Variants in WBP2 observed in about 807,000 individuals in gnomAD.
WBP2 encodes WW domain-binding protein 2.
Under a neutral mutation model 33.0 loss-of-function variants are expected in WBP2, and 23 were observed. That is an observed-to-expected ratio of 0.70 (90% confidence interval 0.50 to 0.99). The LOEUF (loss-of-function observed/expected upper bound fraction) is 0.99, where lower values mean the gene tolerates loss of function less well. Among genes scored for constraint, WBP2 ranks in the 50% least tolerant of loss-of-function variants. WBP2 has a pLI of 0.00. For synonymous variants in WBP2, 153 were observed against 133.5 expected (o/e 1.15, Z -1.01); for missense variants, 353 against 358.0 (o/e 0.99, Z 0.11).
At chr17:75,847,370 A>G (rs1748193735) in intron 6 of WBP2, 117 bp downstream of exon 6, 1 of 1,485,340 alleles carries the variant, frequency 6.7e-7, no homozygotes, top group African/African-American at 1.4e-5. Flanking sequence ...GGGGTAGTCC[A>G]GGGGTCATCC....
At chr17:75,854,503 C>G (rs1006405943) in intron 1 of WBP2, among the ~76,000 whole-genome samples, 8 of 152,132 alleles carry the variant, frequency 5.3e-5, no homozygotes, top group Non-Finnish European at 7.4e-5. Context: ...GAGAGCTCTG[C>G]CTTCCGAGGT....
At chr17:75,849,787 G>A (rs534218880) in intron 2 of WBP2, 48 bp from the exon 3 acceptor site, 16 of 1,602,794 alleles carry the variant, frequency 1.0e-5, no homozygotes, top group East Asian at 4.5e-5. Context: ...CACAGCCCAC[G>A]CTGCCATGCT....
intron 1 of WBP2, 82 bp from the exon 2 acceptor site, chr17:75,851,758 C>A (rs2065029154): frequency 1.9e-6 from 2 of 1,032,632 alleles, no homozygotes; most frequent in East Asian, 2.5e-5. Flanking sequence ...TTCTCCCAAG[C>A]AGCTGCCCGG....
intron 6 of WBP2, 160 bp downstream of exon 6, chr17:75,847,327 C>A: frequency 8.2e-7 from 1 of 1,215,708 alleles, no homozygotes; most frequent in South Asian, 1.3e-5. Context: ...AATCTAGCTC[C>A]GCTCCACCAG....
intron 3 of WBP2, chr17:75,849,337 C>G: frequency 2.6e-6 from 1 of 387,546 alleles, no homozygotes; most frequent in East Asian, 4.2e-5. Context: ...TGTATGCGCT[C>G]GCCAAGTTGC....
intron 1 of WBP2, 31 bp downstream of exon 1, chr17:75,855,208 G>A: frequency 6.4e-7 from 1 of 1,568,680 alleles, no homozygotes; most frequent in South Asian, 1.1e-5. Context: ...CCGAACTTTG[G>A]TCCTCCAGGA....
chr17:75,853,074 C>T (rs1387276262), intron 1 of WBP2, among the ~76,000 whole-genome samples: 9 of 152,114 alleles, frequency 5.9e-5, no homozygotes, highest in African/African-American at 2.2e-4. Context: ...GACGGAGTTT[C>T]ACTCTTGTTG....
At chr17:75,851,314 T>G (rs1193612650) in intron 2 of WBP2, 2 of 390,908 alleles carry the variant, frequency 5.1e-6, no homozygotes, top group Admixed American at 7.0e-5. Flanking sequence ...CATCCAACTC[T>G]ATAGAGATTT....
intron 2 of WBP2, 187 bp downstream of exon 2, chr17:75,851,381 C>A (rs1023441736): frequency 3.8e-6 from 2 of 533,130 alleles, no homozygotes; most frequent in Non-Finnish European, 7.0e-6. Flanking sequence ...AGGTCAGTTA[C>A]ACAAAGAGCC....
chr17:75,851,776 G>T, intron 1 of WBP2, 100 bp from the exon 2 acceptor site: 1 of 861,202 alleles, frequency 1.2e-6, no homozygotes, highest in Non-Finnish European at 2.0e-6. Flanking sequence ...CGGCACGTCA[G>T]CTCTCATAAC....
intron 4 of WBP2, chr17:75,848,268 C>A (rs1265556448): frequency 6.9e-6 from 4 of 581,720 alleles, no homozygotes; most frequent in Non-Finnish European, 1.2e-5. Context: ...GGCTGCGGAA[C>A]CGCAGTCGAA....
At chr17:75,847,200 T>C in intron 6 of WBP2, 1 of 672,288 alleles carries the variant, frequency 1.5e-6, no homozygotes, top group South Asian at 1.9e-5. Context: ...CTTGAGCCAA[T>C]GCCCCAGGTG....
chr17:75,847,659 C>A (rs767042715), intron 5 of WBP2, 50 bp from the exon 6 acceptor site: 1 of 1,610,768 alleles, frequency 6.2e-7, no homozygotes. Context: ...GGCTGCGGCC[C>A]CCTCCCGGGT....
chr17:75,849,439 CCA>C, intron 3 of WBP2, 163 bp downstream of exon 3: 1 of 795,356 alleles, frequency 1.3e-6, no homozygotes, highest in East Asian at 2.6e-5. Flanking sequence ...AGCATTTTCC[CCA>C]CCTCTTGGCA....
intron 5 of WBP2, 59 bp downstream of exon 5, chr17:75,847,737 G>T (rs2065003196): frequency 2.0e-6 from 3 of 1,528,312 alleles, no homozygotes; most frequent in Non-Finnish European, 1.8e-6. Context: ...CCCTGGCCTG[G>T]GGGGAGCCTG....
chr17:75,854,237 G>A (rs1013406640), intron 1 of WBP2, among the ~76,000 whole-genome samples: 1 of 152,080 alleles, frequency 6.6e-6, no homozygotes, highest in African/African-American at 2.4e-5. Context: ...CTGGATGCTG[G>A]CCTTAGCTGG....
intron 6 of WBP2, chr17:75,847,248 C>T (rs1259387815): frequency 1.3e-5 from 9 of 703,442 alleles, no homozygotes; most frequent in East Asian, 1.1e-4. Flanking sequence ...ATGAGAGGAT[C>T]GAGAGGCACA....
intron 2 of WBP2, among the ~76,000 whole-genome samples, chr17:75,850,679 T>C (rs1210511604): frequency 6.6e-6 from 1 of 152,190 alleles, no homozygotes; most frequent in African/African-American, 2.4e-5. Flanking sequence ...GCTCCTCTTC[T>C]TCCAGCTGTC....
chr17:75,847,806 C>A lies in WBP2; in HGVS notation c.522G>T (p.Pro174=). Residue 174 remains proline, a synonymous_variant, in exon 5 of 8, where the codon CCG becomes CCT. Coordinates refer to ENST00000254806, the MANE Select transcript of WBP2 (RefSeq NM_012478.4). ...YPCPPGYPYP[P]PPPEFYPGPP... ...AAAGGACACACTCACCAGGTGGGGG[C>A]GGTGGATAGGGGTAGCCAGGAGGGC... 1.3e-6 allele frequency: 2 copies of A among 1,554,114 alleles called. No individual in the cohort carries two copies.
Sources: gnomAD v4.1 joint callset for allele counts (sites outside exome capture counted in the v4.1 genomes callset) on GRCh38, gnomAD v4.1.1 for gene constraint, MANE v1.5 for transcripts, NCBI Gene and HGNC (gene_info 2026-07-23, HGNC 2026-07-21) for gene names.